The following DDX11 variants were observed in gnomAD, a reference collection of about 807,000 sequenced individuals.
DDX11 encodes ATP-dependent DNA helicase DDX11.
DDX11 carries 72 observed loss-of-function variants against 125.2 expected under a neutral mutation model. The ratio of observed to expected loss-of-function variants is 0.58; its 90% CI spans 0.48 to 0.70. The LOEUF (loss-of-function observed/expected upper bound fraction) is 0.70. Ranked by LOEUF, DDX11 falls within the 30% of genes least tolerant of loss-of-function variation. The probability of loss-of-function intolerance (pLI) is 0.00; values close to 1 mark genes in which losing one functional copy is unlikely to be tolerated. For synonymous variants in DDX11, 347 were observed against 452.6 expected (o/e 0.77, Z 2.96); for missense variants, 883 against 1,165.0 (o/e 0.76, Z 3.52).
chr12:31,102,601 C>A (rs1403195302), intron 23 of DDX11, 74 bp downstream of exon 23: 2 of 1,412,190 alleles, frequency 1.4e-6, no homozygotes, highest in Non-Finnish European at 1.0e-6. Flanking sequence ...TGGGCCCCTG[C>A]CTGCTCTCTG....
In DDX11 at chr12:31,094,580, T is replaced by C. The variant is rs1466348346; in HGVS notation, c.1370-10T>C. ...CCAGCATTGTGACCTATTTCCATTC[T>C]CTTTTTTAGGGAACATTAAGCAAAA... On this transcript the variant is annotated splice_polypyrimidine_tract_variant and intron_variant, in intron 12 of 26. Transcript: ENST00000542838. 1.3e-6 allele frequency: 2 copies of C among 1,575,518 alleles called. No individual in the cohort carries two copies. Among genetic ancestry groups the C allele is most frequent in the African/African-American group, 2.7e-5 (2 of 73,698 alleles).
chr12:31,092,215 G>A (rs1944369339), intron 10 of DDX11, among the ~76,000 whole-genome samples: 1 of 152,008 alleles, frequency 6.6e-6, no homozygotes, highest in South Asian at 2.1e-4. Context: ...TTGTCTGGAG[G>A]GGACTGAATT....
chr12:31,083,359 C>G (rs539345459), intron 2 of DDX11, among the ~76,000 whole-genome samples: 8 of 151,594 alleles, frequency 5.3e-5, no homozygotes, highest in Admixed American at 2.6e-4. Flanking sequence ...CACTGGCGCT[C>G]ATGACTGATC....
chr12:31,090,754 G>GA (rs1565885648), intron 9 of DDX11, among the ~76,000 whole-genome samples: 1 of 152,078 alleles, frequency 6.6e-6, no homozygotes, highest in Non-Finnish European at 1.5e-5. Flanking sequence ...GTATAATCCA[G>GA]AAAAAAATGT....
intron 1 of DDX11, among the ~76,000 whole-genome samples, chr12:31,077,754 G>C (rs1940966025): frequency 6.6e-6 from 1 of 151,716 alleles, no homozygotes. Context: ...TGAGGCAGGA[G>C]AATGGTGTGA....
intron 5 of DDX11, chr12:31,086,090 TC>T: frequency 4.4e-6 from 2 of 454,390 alleles, no homozygotes; most frequent in Non-Finnish European, 8.8e-6. Context: ...GCCCTGAACT[TC>T]CTCCAGCGCA....
In DDX11 at chr12:31,078,480, G is replaced by A; in HGVS notation, c.87G>A (p.Glu29=). The A allele has an allele frequency of 6.2e-7, 1 of 1,611,712 alleles. No individual in the cohort carries two copies. ...PYSIQEDFMA[E]LYRVLEAGKI... is the part of the protein sequence containing the mutation. Reference sequence around the variant, plus strand: ...CCATCCAGGAAGACTTCATGGCAGAGCTGTACCGGGTTTTGGAGGCTGGCA... The same window carrying A: ...CCATCCAGGAAGACTTCATGGCAGAACTGTACCGGGTTTTGGAGGCTGGCA... Residue 29 remains glutamate (E), a synonymous_variant, in exon 2 of 27, where the codon GAG becomes GAA. Transcript: ENST00000542838.
At chr12:31,089,711 A>T in intron 8 of DDX11, 175 bp from the exon 9 acceptor site, 1 of 1,312,596 alleles carries the variant, frequency 7.6e-7, no homozygotes, top group Non-Finnish European at 1.1e-6. Context: ...CTCTTTCTGG[A>T]GAACAGAAGT....
In DDX11 at chr12:31,092,959, G is replaced by T; in HGVS notation, c.1289+67G>T. ...GGCCCCCTGCGTGGGCCTCTGAGAG[G>T]CAGGCAGCACTTTGGTTCCCACCTC... On this transcript the variant is annotated intron_variant, in intron 11 of 26. Coordinates refer to ENST00000542838, the MANE Select transcript of DDX11 (RefSeq NM_030653.4). 9 of 1,593,398 alleles carry T rather than the reference G, an allele frequency of 5.6e-6. No individual in the cohort carries two copies. In the South Asian group the frequency reaches 7.7e-5, roughly 14 times the overall value.
Position 31,091,858 on chromosome 12 carries a change from T to C in DDX11, c.1229T>C (p.Val410Ala). ...DTITGMHSVE[V>A]SGSQLCQAHS... ...ATCACGGGCATGCACAGCGTGGAGG[T>C]CAGCGGCTCCCAGGTGTGTGGGCCT... Residue 410 changes from valine (V) to alanine (A), a missense_variant, in exon 10 of 27, where the codon GTC becomes GCC. Coordinates refer to ENST00000542838, the MANE Select transcript of DDX11 (RefSeq NM_030653.4). The C allele has an allele frequency of 6.2e-7, 1 of 1,613,516 alleles. No homozygotes were observed.
rs776483016 is a variant in DDX11 at position 31,102,322 on chromosome 12, C to T, written c.2271+11C>T. ...TCCAGGTGCATCCAGGTGCGGGCGT[C>T]ATGCTGGGCTTGGGTCTGAGATCGT... On this transcript the variant is annotated intron_variant, in intron 22 of 26. Coordinates refer to ENST00000542838, the MANE Select transcript of DDX11 (RefSeq NM_030653.4). The T allele has an allele frequency of 5.6e-6, 9 of 1,613,710 alleles. No homozygotes were observed. The South Asian group carries it at 9.9e-5, about 18-fold the overall frequency.
At chr12:31,087,235 C>T (rs557174485) in intron 5 of DDX11, among the ~76,000 whole-genome samples, 3,534 of 147,422 alleles carry the variant, frequency 0.024, 127 homozygotes, top group African/African-American at 0.085. Flanking sequence ...TGACAGCATC[C>T]TCTGTTCACT....
At chr12:31,076,588 C>T (rs1426388521) in intron 1 of DDX11, among the ~76,000 whole-genome samples, 1 of 152,172 alleles carries the variant, frequency 6.6e-6, no homozygotes, top group Non-Finnish European at 1.5e-5. Flanking sequence ...TATTTAATTT[C>T]TGTAAGCATC....
Position 31,089,456 on chromosome 12 carries a change from C to T in DDX11, c.846C>T (p.Asn282=), listed in dbSNP as rs531365015. The change falls in exon 8 of 27, where the codon AAC becomes AAT. Residue 282 remains asparagine (N), a synonymous_variant. Transcript: ENST00000542838. Reference sequence around the variant, plus strand: ...GCCTAGGTTCTGTGCAGCTTATCAACGACCGCTGTGTGGACATGCAGAGAA... The same window carrying T: ...GCCTAGGTTCTGTGCAGCTTATCAATGACCGCTGTGTGGACATGCAGAGAA... The part of the protein sequence containing the change: ...VKSLGSVQLI[N]DRCVDMQRSR... 1.4e-5 allele frequency: 23 copies of T among 1,613,928 alleles called. No homozygotes were observed. The highest frequency in any genetic ancestry group is 1.3e-4 in the Admixed American group (8 of 60,024).
At chr12:31,075,559 G>A (rs1224075600) in intron 1 of DDX11, among the ~76,000 whole-genome samples, 2 of 151,878 alleles carry the variant, frequency 1.3e-5, no homozygotes, top group African/African-American at 4.8e-5. Flanking sequence ...GGGTTTTTGT[G>A]GGGTTATCTG....
At chr12:31,084,839 G>A (rs1429726405) in intron 4 of DDX11, 130 bp from the exon 5 acceptor site, 5 of 1,199,304 alleles carry the variant, frequency 4.2e-6, no homozygotes, top group African/African-American at 3.0e-5. Flanking sequence ...CCTAGGAGTC[G>A]ACCTCTCTCC....
chr12:31,086,952 A>G (rs1231189435), intron 5 of DDX11, among the ~76,000 whole-genome samples: 1 of 130,042 alleles, frequency 7.7e-6, no homozygotes, highest in Non-Finnish European at 1.6e-5. Context: ...CTCTTCTGAT[A>G]GCCCAAGACA....
At chr12:31,089,005 T>C (rs1350284019) in intron 6 of DDX11, 39 bp from the exon 7 acceptor site, 2 of 1,534,858 alleles carry the variant, frequency 1.3e-6, no homozygotes, top group Non-Finnish European at 1.8e-6. Context: ...TGGGATGTTT[T>C]GGTTCTCTCT....
At position 31,101,910 on chromosome 12, in the gene DDX11, C is replaced by T. The variant is rs1946448691; in HGVS notation, c.2130C>T (p.Tyr710=). ...PGGVVCFFPS[Y]EYLRQVHAHW... is the part of the protein sequence containing the mutation. ...GGGTGGTCTGTTTCTTCCCCTCCTA[C>T]GAGTACCTGCGCCAGGTCCATGCCC... The change falls in exon 21 of 27, where the codon TAC becomes TAT. Residue 710 remains tyrosine (Y), a synonymous_variant. Transcript: ENST00000542838. 5 of 1,613,868 alleles carry T rather than the reference C, an allele frequency of 3.1e-6. No individual in the cohort carries two copies. The highest frequency in any genetic ancestry group is 1.1e-5 in the South Asian group (1 of 91,070).
Sources: allele counts gnomAD v4.1 joint callset (sites outside exome capture counted in the v4.1 genomes callset), GRCh38; gene constraint gnomAD v4.1.1; transcripts MANE v1.5; gene names NCBI Gene and HGNC (gene_info 2026-07-23, HGNC 2026-07-21).